The following MFN1 variants were observed in gnomAD, a reference collection of about 807,000 sequenced individuals.
The protein encoded by MFN1 is mitofusin 1, also known as mitofusin-1.
A neutral mutation model predicts 92.4 loss-of-function variants in MFN1; 65 were observed. The ratio of observed to expected loss-of-function variants is 0.70; its 90% CI spans 0.58 to 0.86. The LOEUF is 0.86. MFN1 is among the 40% of genes least tolerant of loss of function. The probability of loss-of-function intolerance (pLI) is 0.00; values close to 1 mark genes in which losing one functional copy is unlikely to be tolerated. For synonymous variants in MFN1, 297 were observed against 300.9 expected, an observed-to-expected ratio of 0.99 and a Z score of 0.13; for missense variants, 781 against 868.0, an observed-to-expected ratio of 0.90 and a Z score of 1.26.
chr3:179,379,814 T>G (rs181738081), intron 14 of MFN1, among the ~76,000 whole-genome samples: 50 of 152,318 alleles, frequency 3.3e-4, no homozygotes. Context: ...GATGTTGGAA[T>G]GAACACCATA....
At chr3:179,378,138 C>T (rs912640996) in intron 12 of MFN1, 3 of 537,514 alleles carry the variant, frequency 5.6e-6, no homozygotes, top group Admixed American at 3.5e-5. Flanking sequence ...GCAGGAGGAT[C>T]GCGTGAGCCT....
intron 7 of MFN1, among the ~76,000 whole-genome samples, chr3:179,365,435 A>G (rs1441418809): frequency 1.3e-5 from 2 of 152,216 alleles, no homozygotes; most frequent in African/African-American, 2.4e-5. Context: ...AGTTATTTCA[A>G]AGCTTGAAAG....
At chr3:179,348,776 GGT>G (rs769978961) in intron 1 of MFN1, 67 bp from the exon 2 acceptor site, 1 of 1,560,330 alleles carries the variant, frequency 6.4e-7, no homozygotes. Context: ...GAATGTCACT[GGT>G]GTGTCATCAG....
chr3:179,383,408 G>C (rs1224030726), intron 14 of MFN1, among the ~76,000 whole-genome samples: 2 of 152,080 alleles, frequency 1.3e-5, no homozygotes, highest in Non-Finnish European at 2.9e-5. Context: ...TGAGGGCTCT[G>C]TTCTGTTCCA....
intron 6 of MFN1, 77 bp from the exon 7 acceptor site, chr3:179,365,041 C>A: frequency 1.2e-6 from 1 of 813,442 alleles, no homozygotes; most frequent in Non-Finnish European, 1.8e-6. Context: ...ATGGTTCAGA[C>A]TTTCTCATTA....
intron 3 of MFN1, among the ~76,000 whole-genome samples, chr3:179,356,360 A>G (rs1448375521): frequency 1.3e-5 from 2 of 152,234 alleles, no homozygotes; most frequent in African/African-American, 4.8e-5. Flanking sequence ...GGAGAGTGGC[A>G]TGCTGAGAGG....
chr3:179,363,291 G>A (rs1239179701), intron 5 of MFN1, among the ~76,000 whole-genome samples: 1 of 152,056 alleles, frequency 6.6e-6, no homozygotes, highest in Non-Finnish European at 1.5e-5. Context: ...TCACCATGTT[G>A]GCCAGGCTGG....
At chr3:179,389,941 TTTAAA>T (rs1560202729) in intron 16 of MFN1, 58 bp from the exon 17 acceptor site, 8 of 1,456,864 alleles carry the variant, frequency 5.5e-6, no homozygotes, top group Non-Finnish European at 7.4e-6. Flanking sequence ...TTATGTGAGC[TTTAAA>T]TTAAAGCTTA....
intron 6 of MFN1, among the ~76,000 whole-genome samples, 165 bp from the exon 7 acceptor site, chr3:179,364,953 A>C (rs572254609): frequency 5.5e-4 from 84 of 152,266 alleles, no homozygotes; most frequent in African/African-American, 1.9e-3. Flanking sequence ...TAAAGTTATC[A>C]GTTTTTTTCA....
rs764296788 is a variant in MFN1, at chr3:179,385,724, A to C, written c.1815+3A>C. 1 of 1,611,628 alleles carries C rather than the reference A, an allele frequency of 6.2e-7. No homozygotes were observed. Among genetic ancestry groups the C allele is most frequent in the Admixed American group, 1.7e-5 (1 of 59,242 alleles). ...GCATCATTATTGTTGGAGGAGTGGT[A>C]AGAAACATTACTTTTAGTATAATTA... On this transcript the variant is annotated splice_donor_region_variant and intron_variant, in intron 15 of 17. Coordinates refer to ENST00000471841, the MANE Select transcript of MFN1 (RefSeq NM_033540.3).
intron 14 of MFN1, among the ~76,000 whole-genome samples, chr3:179,384,985 A>G (rs150026069): frequency 0.011 from 1,591 of 144,228 alleles, 35 homozygotes; most frequent in African/African-American, 0.04. Context: ...GGCTCACTGC[A>G]AGCTCTGCCT....
In MFN1 at chr3:179,386,596, C is replaced by A; in HGVS notation, c.1979C>A (p.Ser660Tyr). Residue 660 changes from serine (S) to tyrosine (Y), a missense_variant, in exon 16 of 18, where the codon TCC (serine) becomes TAC (tyrosine). Physicochemically the swap from Ser to Tyr is moderately radical, Grantham distance 144. Transcript: ENST00000471841. ...GAAAAACTGAGGATGATTGTTAGCT[C>A]CACGAGTGCAAACTGCAGTCACCAA... Reference protein sequence around the residue: ...ATEKLRMIVSSTSANCSHQVK... With the variant: ...ATEKLRMIVSYTSANCSHQVK... 1 of 1,613,270 alleles carries A rather than the reference C, an allele frequency of 6.2e-7. No individual in the cohort carries two copies. The highest frequency in any genetic ancestry group is 1.7e-5 in the Admixed American group (1 of 59,704).
At chr3:179,370,287 C>T (rs546882049) in intron 9 of MFN1, among the ~76,000 whole-genome samples, 3 of 151,830 alleles carry the variant, frequency 2.0e-5, no homozygotes, top group East Asian at 1.9e-4. Context: ...CACACACAGA[C>T]CCTTAATGGG....
rs768573120 is a variant in MFN1, at chr3:179,362,350, T to C, written c.412-8T>C. ...GGAGTTTATTTTTTTCTTTTCCTCCTGCTTTAGACAGTTAATCAACTGGCC... is the reference window on the plus strand; with the variant it reads ...GGAGTTTATTTTTTTCTTTTCCTCCCGCTTTAGACAGTTAATCAACTGGCC... On this transcript the variant is annotated splice_region_variant and splice_polypyrimidine_tract_variant and intron_variant, in intron 4 of 17. Transcript: ENST00000471841. 10 of 1,562,254 alleles carry C rather than the reference T, an allele frequency of 6.4e-6. 1 individual carries two copies. In the South Asian group the frequency reaches 1.1e-4, roughly 17 times the overall value.
At position 179,367,490 on chromosome 3, in the gene MFN1, A is replaced by C. The variant is rs772493454; in HGVS notation, c.805A>C (p.Lys269Gln). 6.2e-7 allele frequency: 1 copy of C among 1,613,890 alleles called. No individual in the cohort carries two copies. ...RCLHFLVEEL[K>Q]VVNALEAQNR... ...CCTGCATTTCTTGGTGGAGGAGCTC[A>C]AAGTTGTAAATGCTTTAGAAGCACA... Residue 269 changes from lysine to glutamine, a missense_variant, in exon 8 of 18, where the codon AAA becomes CAA. Physicochemically the swap from Lys to Gln is moderately conservative, Grantham distance 53 (BLOSUM62 1). Transcript: ENST00000471841.
chr3:179,355,343 G>C (rs940061769), intron 3 of MFN1, among the ~76,000 whole-genome samples: 1 of 152,070 alleles, frequency 6.6e-6, no homozygotes, highest in Non-Finnish European at 1.5e-5. Flanking sequence ...CATCTCCTGG[G>C]AATGCAGCCC....
intron 9 of MFN1, among the ~76,000 whole-genome samples, chr3:179,369,105 C>T (rs1712918867): frequency 6.6e-6 from 1 of 152,194 alleles, no homozygotes; most frequent in South Asian, 2.1e-4. Flanking sequence ...CAGTAGATGT[C>T]CTCTCAAGCC....
intron 16 of MFN1, 104 bp from the exon 17 acceptor site, chr3:179,389,900 T>C (rs1281676248): frequency 3.8e-6 from 4 of 1,045,878 alleles, no homozygotes; most frequent in East Asian, 2.5e-5. Context: ...CCCTATAGTT[T>C]AGAAGTTTTT....
At chr3:179,360,102 G>A (rs1478740758) in intron 4 of MFN1, among the ~76,000 whole-genome samples, 1 of 152,016 alleles carries the variant, frequency 6.6e-6, no homozygotes, top group Non-Finnish European at 1.5e-5. Context: ...TTTTAGTAGA[G>A]ACTGGGTTTC....
Sources: gnomAD v4.1 joint callset for allele counts (sites outside exome capture counted in the v4.1 genomes callset) on GRCh38, gnomAD v4.1.1 for gene constraint, MANE v1.5 for transcripts, NCBI Gene and HGNC (gene_info 2026-07-23, HGNC 2026-07-21) for gene names.